Variants in FKBP15 observed in about 807,000 individuals in gnomAD.
FKBP15 encodes the protein FK506-binding protein 15.
A neutral mutation model predicts 158.1 loss-of-function variants in FKBP15; 106 were observed. The observed-to-expected ratio is 0.67, with a 90% CI of 0.57 to 0.79. The LOEUF is 0.79. FKBP15 is among the 30% of genes least tolerant of loss of function. The pLI is 0.00. For synonymous variants in FKBP15, 547 were observed against 548.6 expected (o/e 1.00, Z 0.04); for missense variants, 1,287 against 1,479.1 (o/e 0.87, Z 2.13).
At chr9:113,214,341 T>A (rs1008095026) in intron 1 of FKBP15, among the ~76,000 whole-genome samples, 1 of 152,220 alleles carries the variant, frequency 6.6e-6, no homozygotes. Context: ...AGGTGCAGAA[T>A]GGATGTTGTG....
rs951575928 is a variant in FKBP15 at position 113,174,448 on chromosome 9, C to T, written c.2359G>A (p.Asp787Asn). 1.9e-6 allele frequency: 3 copies of T among 1,613,950 alleles called. No individual in the cohort carries two copies. The highest frequency in any genetic ancestry group is 2.5e-6 in the Non-Finnish European group (3 of 1,179,856). Residue 787 changes from aspartate to asparagine, a missense_variant, in exon 22 of 28, where the codon GAC becomes AAC. Coordinates refer to ENST00000238256, the MANE Select transcript of FKBP15 (RefSeq NM_015258.2). Reference protein sequence around the residue: ...QLLKKTRVSTDQAAAEQLSLV... With the variant: ...QLLKKTRVSTNQAAAEQLSLV... Reference sequence around the variant, plus strand: ...ATTACCTGCTCTGCAGCTGCTTGGTCTGTGGACACTCGAGTCTTTTTCAAG... The same window carrying T: ...ATTACCTGCTCTGCAGCTGCTTGGTTTGTGGACACTCGAGTCTTTTTCAAG...
chr9:113,184,230 C>G lies in FKBP15; in HGVS notation c.1716+62G>C, dbSNP rs1460471509. 2.6e-6 allele frequency: 3 copies of G among 1,172,686 alleles called. No individual in the cohort carries two copies. In the East Asian group the frequency reaches 7.6e-5, roughly 30 times the overall value. The allele number at this position is 1,172,686 out of a possible 1,614,324, so 72.6% of individuals were successfully genotyped here. On this transcript the variant is annotated intron_variant, in intron 17 of 27. Transcript: ENST00000238256. The surrounding 1 kb of genome is among the most constrained non-coding windows in gnomAD (Gnocchi z 4.5). Reference sequence around the variant, plus strand: ...GGGTGGAGGTGTTAAAGAGTAGTACCTCTGAGAAGAGAGGATGGGTAAGAC... The same window carrying G: ...GGGTGGAGGTGTTAAAGAGTAGTACGTCTGAGAAGAGAGGATGGGTAAGAC...
chr9:113,208,642 A>T (rs1242987235), intron 2 of FKBP15, among the ~76,000 whole-genome samples: 1 of 152,212 alleles, frequency 6.6e-6, no homozygotes, highest in African/African-American at 2.4e-5. Flanking sequence ...ATCTTCTTAT[A>T]ATAAATTCCT....
chr9:113,196,788 G>T (rs1830694030), intron 9 of FKBP15, 144 bp downstream of exon 9: 1 of 990,950 alleles, frequency 1.0e-6, no homozygotes, highest in Admixed American at 2.8e-5. Context: ...TGCTATTTCT[G>T]ACTACTCCAT....
At chr9:113,194,276 G>A (rs1273895546) in intron 9 of FKBP15, 107 bp from the exon 10 acceptor site, 25 of 799,240 alleles carry the variant, frequency 3.1e-5, no homozygotes, top group Non-Finnish European at 4.8e-5. Context: ...TCGGGTGGGG[G>A]TAGAGGGGAG....
intron 4 of FKBP15, among the ~76,000 whole-genome samples, chr9:113,204,060 T>C (rs1195943851): frequency 6.6e-6 from 1 of 151,696 alleles, no homozygotes; most frequent in African/African-American, 2.4e-5. Flanking sequence ...TTATGAATGA[T>C]ACTTCTATGA....
At chr9:113,171,444 C>G in intron 24 of FKBP15, 137 bp downstream of exon 24, 1 of 1,146,808 alleles carries the variant, frequency 8.7e-7, no homozygotes, top group Non-Finnish European at 1.2e-6. Context: ...AACACCAAAT[C>G]TGGTTCATTT....
intron 3 of FKBP15, 103 bp from the exon 4 acceptor site, chr9:113,206,681 T>A: frequency 1.8e-6 from 1 of 565,912 alleles, no homozygotes; most frequent in Non-Finnish European, 3.0e-6. Flanking sequence ...TCATTCAGCC[T>A]CTAGGCAGGG....
chr9:113,185,309 T>C (rs1830466606), intron 15 of FKBP15, among the ~76,000 whole-genome samples: 3 of 152,298 alleles, frequency 2.0e-5, no homozygotes, highest in Admixed American at 2.0e-4. Context: ...GATTAACTCT[T>C]TGGTGACACG....
chr9:113,193,567 A>G lies in FKBP15; in HGVS notation c.1008-18T>C. On this transcript the variant is annotated intron_variant, in intron 10 of 27. Transcript: ENST00000238256. ...CTGGCTCCCTGAAAGCAAATAGACCATATTCCAAGATTGAAAACAAAATCC... is the reference window on the plus strand; with the variant it reads ...CTGGCTCCCTGAAAGCAAATAGACCGTATTCCAAGATTGAAAACAAAATCC... 6.3e-7 allele frequency: 1 copy of G among 1,585,802 alleles called. No individual in the cohort carries two copies. Among genetic ancestry groups the G allele is most frequent in the East Asian group, 2.3e-5 (1 of 44,102 alleles).
At chr9:113,168,846 CCT>C (rs1191297856) in intron 26 of FKBP15, among the ~76,000 whole-genome samples, 10 of 152,252 alleles carry the variant, frequency 6.6e-5, no homozygotes, top group South Asian at 2.1e-4. Context: ...AGAATAGCAC[CCT>C]GTTTCTTTTT....
chr9:113,200,976 G>A (rs1055336457), intron 6 of FKBP15, among the ~76,000 whole-genome samples: 10 of 151,306 alleles, frequency 6.6e-5, no homozygotes, highest in African/African-American at 1.5e-4. Context: ...CCCGGGAGGC[G>A]GAGGTTGCAG....
Position 113,161,836 on chromosome 9 carries a change from A to ATGTGTAGC in FKBP15, c.*4241_*4242insGCTACACA. On this transcript the variant is annotated 3_prime_UTR_variant, in exon 28 of 28. Coordinates refer to ENST00000238256, the MANE Select transcript of FKBP15 (RefSeq NM_015258.2). ...AGGACCAGGACTTGCCAAAGTGGCT[A>ATGTGTAGC]CACATAGCCAAGTGAACTAGAGCTC... 2.2e-6 allele frequency: 2 copies of ATGTGTAGC among 908,972 alleles called. No individual in the cohort carries two copies. Among genetic ancestry groups the ATGTGTAGC allele is most frequent in the Non-Finnish European group, 3.5e-6 (2 of 570,116 alleles). The allele number at this position is 908,972 out of a possible 1,614,324, so 56.3% of individuals were successfully genotyped here.
In FKBP15 at chr9:113,161,425, G is replaced by C; in HGVS notation, c.*4653C>G. 8.0e-7 allele frequency: 1 copy of C among 1,246,508 alleles called. No individual in the cohort carries two copies. Among genetic ancestry groups the C allele is most frequent in the Admixed American group, 1.9e-5 (1 of 52,694 alleles). 77.2% of individuals were successfully genotyped at this position (1,246,508 alleles called of 1,614,324 possible). A position where few individuals can be genotyped will look rare whatever the true frequency, so the allele number is the denominator to read the frequency against. On this transcript the variant is annotated 3_prime_UTR_variant, in exon 28 of 28. Coordinates refer to ENST00000238256, the MANE Select transcript of FKBP15 (RefSeq NM_015258.2). ...AAGGTGCAGGATAGAGGTGGATGGA[G>C]TGGATTCCATGAACAGGTGGAGGTG... is the stretch of plus-strand genomic sequence containing the variant.
At chr9:113,173,867 C>T (rs913387377) in intron 22 of FKBP15, among the ~76,000 whole-genome samples, 1 of 152,172 alleles carries the variant, frequency 6.6e-6, no homozygotes, top group Non-Finnish European at 1.5e-5. Flanking sequence ...GCCATGTGAT[C>T]ACTGCTTTTC....
intron 8 of FKBP15, 44 bp from the exon 9 acceptor site, chr9:113,197,122 T>C (rs1830702588): frequency 6.3e-7 from 1 of 1,599,214 alleles, no homozygotes; most frequent in Non-Finnish European, 8.5e-7. Flanking sequence ...AAGAAGCTCC[T>C]CAGAAGACAA....
Position 113,213,323 on chromosome 9 carries a change from C to T in FKBP15, c.54-1731G>A, listed in dbSNP as rs187728446. ...ACTCGGGAGGCTGAGGCAGGAGAAT[C>T]GCCTGAACCAAGGAGGCAGATGTTG... On this transcript the variant is annotated intron_variant, in intron 1 of 27. Coordinates refer to ENST00000238256, the MANE Select transcript of FKBP15 (RefSeq NM_015258.2). Among the ~76,000 whole-genome samples, 3 of 152,022 alleles carry T rather than the reference C, an allele frequency of 2.0e-5. No individual in the cohort carries two copies. The East Asian group carries it at 5.8e-4, about 29-fold the overall frequency.
intron 4 of FKBP15, 158 bp downstream of exon 4, chr9:113,206,351 G>T: frequency 1.7e-6 from 1 of 595,588 alleles, no homozygotes; most frequent in Non-Finnish European, 2.9e-6. Flanking sequence ...AGCAAAATGT[G>T]ATCATTTACT....
intron 2 of FKBP15, among the ~76,000 whole-genome samples, chr9:113,210,314 T>C (rs1416835174): frequency 1.3e-5 from 2 of 148,832 alleles, no homozygotes; most frequent in African/African-American, 4.9e-5. Flanking sequence ...GGCACAATCC[T>C]AGTGCCAGTT....
Sources: allele counts gnomAD v4.1 joint callset (sites outside exome capture counted in the v4.1 genomes callset), GRCh38; gene constraint gnomAD v4.1.1; non-coding constraint Gnocchi (gnomAD v3.1); transcripts MANE v1.5; gene names NCBI Gene and HGNC (gene_info 2026-07-23, HGNC 2026-07-21).